LAMA2: variants seen among roughly 807,000 people sequenced by gnomAD.
LAMA2 encodes laminin subunit alpha 2.
In LAMA2, 269 loss-of-function variants were observed where a neutral mutation model predicts 364.8. That is an observed-to-expected ratio of 0.74 (90% CI 0.67 to 0.82). The LOEUF is 0.82. LAMA2 is among the 40% of genes least tolerant of loss of function. The pLI is 0.00. For missense variants in LAMA2, 3,807 were observed against 3,873.2 expected, an observed-to-expected ratio of 0.98 and a Z score of 0.45; for synonymous variants, 1,379 against 1,370.6, an observed-to-expected ratio of 1.01 and a Z score of -0.14.
At chr6:128,944,428 GAAAA>G (rs1780367577) in intron 1 of LAMA2, among the ~76,000 whole-genome samples, 1 of 152,122 alleles carries the variant, frequency 6.6e-6, no homozygotes, top group African/African-American at 2.4e-5. Context: ...GAGGGATATA[GAAAA>G]ACAATTACTT....
Position 129,148,992 on chromosome 6 carries a change from A to T in LAMA2, c.923A>T (p.Glu308Val), listed in dbSNP as rs1246343086. The change falls in exon 7 of 65, where the codon GAG becomes GTG. Residue 308 changes from glutamate to valine, a missense_variant. Glu to Val is a moderately radical substitution (Grantham distance 121). Transcript: ENST00000421865. The stretch of plus-strand genomic sequence containing the variant: ...CTTTTTGACTAGAAATCTCGCTGTG[A>T]GTGTGAGCATAACACATGTGGCGAT... ...LDPATNKSRC[E>V]CEHNTCGDSC... 1 of 1,612,406 alleles carries T rather than the reference A, an allele frequency of 6.2e-7. No homozygotes were observed.
intron 28 of LAMA2, among the ~76,000 whole-genome samples, chr6:129,327,420 A>G (rs1038852524): frequency 6.6e-6 from 1 of 152,196 alleles, no homozygotes; most frequent in Non-Finnish European, 1.5e-5. Flanking sequence ...AAAAAATTCT[A>G]CTTAACCAAG....
chr6:129,413,131 T>G (rs1780618142), intron 40 of LAMA2, among the ~76,000 whole-genome samples: 1 of 152,140 alleles, frequency 6.6e-6, no homozygotes, highest in Non-Finnish European at 1.5e-5. Flanking sequence ...ATGCAAACTC[T>G]AACCAGAAGA....
Position 129,514,426 on chromosome 6 carries a change from T to G in LAMA2, c.9042T>G (p.Ala3014=). The G allele has an allele frequency of 6.2e-7, 1 of 1,614,066 alleles. No individual in the cohort carries two copies. The highest frequency in any genetic ancestry group is 8.5e-7 in the Non-Finnish European group (1 of 1,179,980). The part of the protein sequence containing the change: ...GAGRFTAVYD[A]GVPGHLCDGQ... ...GCAGATTCACTGCTGTCTATGATGC[T>G]GGGGTTCCAGGGCATTTGTGTGATG... is the stretch of plus-strand genomic sequence containing the variant. Residue 3014 remains alanine (A), a synonymous_variant, in exon 64 of 65, where the codon GCT becomes GCG. Coordinates refer to ENST00000421865, the MANE Select transcript of LAMA2 (RefSeq NM_000426.4).
intron 40 of LAMA2, among the ~76,000 whole-genome samples, chr6:129,424,304 G>A (rs1562551157): frequency 6.6e-6 from 1 of 151,542 alleles, no homozygotes; most frequent in Admixed American, 6.6e-5. Flanking sequence ...TTGTGATCTT[G>A]GGTAAAGCAA....
intron 35 of LAMA2, among the ~76,000 whole-genome samples, chr6:129,388,268 A>AC (rs1562517997): frequency 6.6e-6 from 1 of 151,330 alleles, no homozygotes; most frequent in African/African-American, 2.4e-5. Flanking sequence ...AAAAAAAAAA[A>AC]CAAAAACAAA....
intron 1 of LAMA2, among the ~76,000 whole-genome samples, chr6:128,973,271 T>G (rs1306085335): frequency 6.6e-6 from 1 of 152,154 alleles, no homozygotes; most frequent in Non-Finnish European, 1.5e-5. Flanking sequence ...TCATAATTTT[T>G]TTTACTGTGC....
intron 1 of LAMA2, among the ~76,000 whole-genome samples, chr6:128,898,930 G>A (rs1776924406): frequency 6.6e-6 from 1 of 152,048 alleles, no homozygotes; most frequent in African/African-American, 2.4e-5. Context: ...GATCCCTGAT[G>A]GCTGTCTCCT....
At chr6:129,063,355 T>C (rs1350194135) in intron 3 of LAMA2, among the ~76,000 whole-genome samples, 1 of 152,138 alleles carries the variant, frequency 6.6e-6, no homozygotes, top group East Asian at 1.9e-4. Flanking sequence ...TAATAAGATG[T>C]CTAAAACATT....
intron 1 of LAMA2, among the ~76,000 whole-genome samples, chr6:128,920,719 G>GTA (rs1778653136): frequency 6.7e-6 from 1 of 150,182 alleles, no homozygotes; most frequent in African/African-American, 2.5e-5. Context: ...GCATATATAT[G>GTA]CACACATGTA....
In LAMA2 at chr6:129,344,243, G is replaced by A. The variant is rs544775804; in HGVS notation, c.4436+1776G>A. 2.6e-5 allele frequency among the ~76,000 whole-genome samples: 4 copies of A among 152,264 alleles called. No individual in the cohort carries two copies. The East Asian group carries it at 7.7e-4, about 29-fold the overall frequency. ...ATTAAAAGGCTAGTATACTAGCATG[G>A]GCAAAAGATAATTAGAACCAGAAGT... On this transcript the variant is annotated intron_variant, in intron 30 of 64. Coordinates refer to ENST00000421865, the MANE Select transcript of LAMA2 (RefSeq NM_000426.4).
intron 1 of LAMA2, among the ~76,000 whole-genome samples, chr6:129,034,440 A>G (rs1358756222): frequency 6.6e-6 from 1 of 151,786 alleles, no homozygotes; most frequent in Non-Finnish European, 1.5e-5. Flanking sequence ...AGAAATCTGG[A>G]TTATCATGAC....
rs1324008369 is a variant in LAMA2, at chr6:128,883,287, C to G, written c.42C>G (p.Ser14=). ...GGGTCCTCCTCCTTCTGCTGCTCTCCGGAGGCCTCGGGGGCGTACAGGCGC... is the reference window on the plus strand; with the variant it reads ...GGGTCCTCCTCCTTCTGCTGCTCTCGGGAGGCCTCGGGGGCGTACAGGCGC... ...AAGVLLLLLL[S]GGLGGVQAQR... The change falls in exon 1 of 65, where the codon TCC becomes TCG. Residue 14 remains serine, a synonymous_variant. Coordinates refer to ENST00000421865, the MANE Select transcript of LAMA2 (RefSeq NM_000426.4). 1 of 1,578,900 alleles carries G rather than the reference C, an allele frequency of 6.3e-7. No homozygotes were observed. Among genetic ancestry groups the G allele is most frequent in the Non-Finnish European group, 8.6e-7 (1 of 1,162,304 alleles).
At chr6:129,239,761 C>T (rs780687587) in intron 12 of LAMA2, among the ~76,000 whole-genome samples, 7 of 152,168 alleles carry the variant, frequency 4.6e-5, no homozygotes, top group Non-Finnish European at 8.8e-5. Flanking sequence ...AGCAATCCTC[C>T]TGCCTCAGCC....
chr6:129,228,723 C>T (rs552760422), intron 12 of LAMA2, among the ~76,000 whole-genome samples: 1 of 152,116 alleles, frequency 6.6e-6, no homozygotes, highest in South Asian at 2.1e-4. Context: ...ATTGATTAGT[C>T]CAGTAAATGT....
intron 28 of LAMA2, among the ~76,000 whole-genome samples, chr6:129,325,012 A>G (rs748201136): frequency 1.3e-5 from 2 of 152,174 alleles, no homozygotes; most frequent in African/African-American, 2.4e-5. Context: ...GAGTGTTTTT[A>G]TGAGCTCCAG....
intron 40 of LAMA2, among the ~76,000 whole-genome samples, chr6:129,415,671 C>A (rs4523108): frequency 0.5 from 75,978 of 151,466 alleles, 19,531 homozygotes; most frequent in African/African-American, 0.62. Context: ...CATGGCGAAA[C>A]CCCATCTCTA....
rs546126309 is a variant in LAMA2, at chr6:128,890,079, G to C, written c.112+6722G>C. On this transcript the variant is annotated intron_variant, in intron 1 of 64. Coordinates refer to ENST00000421865, the MANE Select transcript of LAMA2 (RefSeq NM_000426.4). ...ATGTACCTTGTGCAATGTTAAGTATGTCTCTGTATGTGTAGTCCACTCAAC... is the reference window on the plus strand; with the variant it reads ...ATGTACCTTGTGCAATGTTAAGTATCTCTCTGTATGTGTAGTCCACTCAAC... Among the ~76,000 whole-genome samples the C allele has an allele frequency of 1.4e-4, 21 of 152,284 alleles. No individual in the cohort carries two copies. In the South Asian group the frequency reaches 3.7e-3, roughly 27 times the overall value.
chr6:129,083,119 T>A (rs1287942799), intron 3 of LAMA2, among the ~76,000 whole-genome samples: 1 of 151,874 alleles, frequency 6.6e-6, no homozygotes, highest in Admixed American at 6.6e-5. Context: ...CACAAATACA[T>A]ATATATAAAA....
Sources: allele counts gnomAD v4.1 joint callset (sites outside exome capture counted in the v4.1 genomes callset), GRCh38; gene constraint gnomAD v4.1.1; transcripts MANE v1.5; gene names NCBI Gene and HGNC (gene_info 2026-07-23, HGNC 2026-07-21).